Variants in CD163L1 observed in about 807,000 individuals in gnomAD.
The protein encoded by CD163L1 is CD163 molecule like 1.
CD163L1 carries 124 observed loss-of-function variants against 165.4 expected under a neutral mutation model. The ratio of observed to expected loss-of-function variants is 0.75; its 90% CI spans 0.65 to 0.87. CD163L1 has a LOEUF of 0.87. CD163L1 is among the 40% of genes least tolerant of loss of function. The probability of loss-of-function intolerance (pLI) is 0.00; values close to 1 mark genes in which losing one functional copy is unlikely to be tolerated. For missense variants in CD163L1, 1,525 were observed against 1,799.9 expected (o/e 0.85, Z 2.76); for synonymous variants, 585 against 662.2 (o/e 0.88, Z 1.79).
the CD163L1 span, among the ~76,000 whole-genome samples, chr12:7,332,400 AG>A: frequency 6.6e-6 from 1 of 152,198 alleles, no homozygotes; most frequent in Non-Finnish European, 1.5e-5. Context: ...CTAGCAAGGC[AG>A]GCCAACATTC....
At chr12:7,323,344 G>A in the CD163L1 span, 2 of 1,601,124 alleles carry the variant, frequency 1.2e-6, no homozygotes, top group Admixed American at 1.7e-5. Context: ...GACTGGTTCA[G>A]TAAAGGAGAG....
chr12:7,415,761 C>T (rs376961498), intron 4 of CD163L1, among the ~76,000 whole-genome samples: 2 of 152,088 alleles, frequency 1.3e-5, no homozygotes, highest in African/African-American at 2.4e-5. Flanking sequence ...TAAACTCACC[C>T]GTTTTTTGGC....
intron 8 of CD163L1, among the ~76,000 whole-genome samples, chr12:7,382,734 C>T (rs1947437661): frequency 6.6e-6 from 1 of 152,156 alleles, no homozygotes; most frequent in Admixed American, 6.5e-5. Flanking sequence ...ACCCAGGTAA[C>T]TCCAGCATGG....
Position 7,368,101 on chromosome 12 carries a change from T to C in CD163L1, c.4169A>G (p.His1390Arg). Reference sequence around the variant, plus strand: ...GGGGCTCTCACCTCTGAGGGGCAGATGTTTTTGTTTCTGAACTCGGCACCA... The same window carrying C: ...GGGGCTCTCACCTCTGAGGGGCAGACGTTTTTGTTTCTGAACTCGGCACCA... ...LTWCRVQKQK[H>R]LPLRVSTRRR... Residue 1390 changes from histidine (H) to arginine (R), a missense_variant, in exon 17 of 20, where the codon CAT becomes CGT. Coordinates refer to ENST00000313599, the MANE Select transcript of CD163L1 (RefSeq NM_174941.6). This position sits in a 1 kb window ranked among gnomAD's most constrained non-coding sequence, Gnocchi z 4.3. 6.2e-7 allele frequency: 1 copy of C among 1,603,136 alleles called. No individual in the cohort carries two copies. Among genetic ancestry groups the C allele is most frequent in the Non-Finnish European group, 8.5e-7 (1 of 1,170,126 alleles).
chr12:7,361,342 A>G (rs1223669063), intron 18 of CD163L1, among the ~76,000 whole-genome samples: 1 of 152,150 alleles, frequency 6.6e-6, no homozygotes, highest in East Asian at 1.9e-4. Flanking sequence ...TGGCAAGAAA[A>G]TAAATGGGTT....
At position 7,441,144 on chromosome 12, in the gene CD163L1, C is replaced by G; in HGVS notation, c.124+10G>C. On this transcript the variant is annotated intron_variant, in intron 2 of 19. Coordinates refer to ENST00000313599, the MANE Select transcript of CD163L1 (RefSeq NM_174941.6). ...TGTAAGCCCAAAAGTTATCATCCATCAGAACTCACTAAAACTGCTGATGAG... is the reference window on the plus strand; with the variant it reads ...TGTAAGCCCAAAAGTTATCATCCATGAGAACTCACTAAAACTGCTGATGAG... 6.2e-7 allele frequency: 1 copy of G among 1,601,028 alleles called. No individual in the cohort carries two copies. Among genetic ancestry groups the G allele is most frequent in the Non-Finnish European group, 8.6e-7 (1 of 1,168,198 alleles).
At chr12:7,360,165 G>T (rs903507565) in intron 18 of CD163L1, among the ~76,000 whole-genome samples, 12 of 151,178 alleles carry the variant, frequency 7.9e-5, no homozygotes, top group African/African-American at 2.9e-4. Flanking sequence ...CTTTTCAGAT[G>T]GAGTTTCGCT....
chr12:7,348,435 T>G (rs1946685535), intron 4 of CD163L1, among the ~76,000 whole-genome samples: 1 of 152,212 alleles, frequency 6.6e-6, no homozygotes, highest in African/African-American at 2.4e-5. Context: ...GGAGAATGGG[T>G]GACAGTAGAT....
chr12:7,331,794 G>A, the CD163L1 span, among the ~76,000 whole-genome samples: 2 of 152,112 alleles, frequency 1.3e-5, no homozygotes, highest in Non-Finnish European at 2.9e-5. Context: ...TGTCACCATC[G>A]TCAAAGACCA....
chr12:7,433,302 AC>A (rs1948660366), intron 3 of CD163L1, 71 bp downstream of exon 3: 5 of 1,363,720 alleles, frequency 3.7e-6, no homozygotes, highest in Admixed American at 4.5e-5. Flanking sequence ...CATAATAGAA[AC>A]CCCTACCTTC....
In CD163L1 at chr12:7,408,617, A is replaced by G. The variant is rs753401777; in HGVS notation, c.767-1765T>C. ...TTTTATTTGTGGCAAGAACACTCCA[A>G]ATTTTCTCTTCTAACTATTTAGATG... On this transcript the variant is annotated intron_variant, in intron 4 of 19. Transcript: ENST00000313599. Among the ~76,000 whole-genome samples, 7 of 152,262 alleles carry G rather than the reference A, an allele frequency of 4.6e-5. No homozygotes were observed. The South Asian group carries it at 1.5e-3, about 32-fold the overall frequency.
rs747303774 is a variant in CD163L1, at chr12:7,433,568, A to T, written c.251T>A (p.Val84Asp). 2 of 1,614,066 alleles carry T rather than the reference A, an allele frequency of 1.2e-6. No homozygotes were observed. Among genetic ancestry groups the T allele is most frequent in the African/African-American group, 2.7e-5 (2 of 74,934 alleles). The change falls in exon 3 of 20, where the codon GTC becomes GAC. Residue 84 changes from valine (V) to aspartate (D), a missense_variant. Coordinates refer to ENST00000313599, the MANE Select transcript of CD163L1 (RefSeq NM_174941.6). ...DDGWNTTASTVVCKQLGCPFS... is the reference protein window; with the variant it reads ...DDGWNTTASTDVCKQLGCPFS... ...TGGACATCCAAGCTGTTTGCACACGACAGTTGAGGCAGTAGTGTTCCACCC... is the reference window on the plus strand; with the variant it reads ...TGGACATCCAAGCTGTTTGCACACGTCAGTTGAGGCAGTAGTGTTCCACCC...
chr12:7,421,011 G>A (rs868024772), intron 4 of CD163L1, among the ~76,000 whole-genome samples: 22 of 92,688 alleles, frequency 2.4e-4, no homozygotes, highest in Admixed American at 8.8e-4. Context: ...ATATATATAC[G>A]TGTATATATA....
chr12:7,338,945 T>G, the CD163L1 span, among the ~76,000 whole-genome samples: 1 of 152,186 alleles, frequency 6.6e-6, no homozygotes, highest in African/African-American at 2.4e-5. Context: ...TTTGCTGTGC[T>G]TTTTGTATTT....
chr12:7,421,484 C>CATATATACAT lies in CD163L1; in HGVS notation c.766+10922_766+10931dup, dbSNP rs1555202376. On this transcript the variant is annotated intron_variant, in intron 4 of 19. Coordinates refer to ENST00000313599, the MANE Select transcript of CD163L1 (RefSeq NM_174941.6). ...ATATACATATATATACATATATGTA[C>CATATATACAT]ATATATACATATATGTACATATACA... Among the ~76,000 whole-genome samples, 246 of 100,340 alleles carry CATATATACAT rather than the reference C, an allele frequency of 2.5e-3. 26 individuals carry two copies. Among genetic ancestry groups the CATATATACAT allele is most frequent in the Non-Finnish European group, 2.8e-3 (158 of 56,558 alleles). The allele number at this position is 100,340 out of a possible 152,430, so 65.8% of individuals were successfully genotyped here. A position where few individuals can be genotyped will look rare whatever the true frequency, so the allele number is the denominator to read the frequency against.
intron 4 of CD163L1, among the ~76,000 whole-genome samples, chr12:7,430,893 A>C (rs1279400343): frequency 6.6e-6 from 1 of 152,032 alleles, no homozygotes; most frequent in Non-Finnish European, 1.5e-5. Context: ...AGAAAAGAGG[A>C]GAGAGTAGCA....
rs867416944 is a variant in CD163L1 at position 7,363,787 on chromosome 12, T to G, written c.4279+3449A>C. Among the ~76,000 whole-genome samples the G allele has an allele frequency of 1.6e-3, 41 of 25,100 alleles. 1 individual carries two copies. The highest frequency in any genetic ancestry group is 5.0e-3 in the South Asian group (2 of 402). The allele number at this position is 25,100 out of a possible 152,430, so 16.5% of individuals were successfully genotyped here. A position where few individuals can be genotyped will look rare whatever the true frequency, so the allele number is the denominator to read the frequency against. The stretch of plus-strand genomic sequence containing the variant: ...CATGAGATCAAAGCCATAATAATAA[T>G]AAGAAAAAAAAAAACCTCTCACTAA... On this transcript the variant is annotated intron_variant, in intron 18 of 19. Transcript: ENST00000313599.
At chr12:7,430,292 C>T (rs930895555) in intron 4 of CD163L1, among the ~76,000 whole-genome samples, 2 of 152,104 alleles carry the variant, frequency 1.3e-5, no homozygotes, top group Non-Finnish European at 2.9e-5. Flanking sequence ...TGAACTACTC[C>T]AAGACTTTAA....
At chr12:7,440,011 G>C in intron 2 of CD163L1, 2 of 1,470,824 alleles carry the variant, frequency 1.4e-6, no homozygotes, top group Admixed American at 2.0e-5. Context: ...GCAAACCGCC[G>C]AGGAAAACCC....
Sources: gnomAD v4.1 joint callset for allele counts (sites outside exome capture counted in the v4.1 genomes callset) on GRCh38, gnomAD v4.1.1 for gene constraint, Gnocchi (gnomAD v3.1) non-coding constraint, MANE v1.5 for transcripts, NCBI Gene and HGNC (gene_info 2026-07-23, HGNC 2026-07-21) for gene names.